The following CERS1 variants were observed in gnomAD, a reference collection of about 807,000 sequenced individuals.
CERS1 encodes Embryonic growth/differentiation factor 1.
In CERS1, 16 loss-of-function variants were observed where a neutral mutation model predicts 35.7. That is an observed-to-expected ratio of 0.45 (90% CI 0.30 to 0.68). The LOEUF is 0.68. Among genes scored for constraint, CERS1 ranks in the 30% least tolerant of loss-of-function variants. CERS1 has a pLI of 0.08. For synonymous variants in CERS1, 243 were observed against 201.6 expected (o/e 1.21, Z -1.74); for missense variants, 454 against 453.9 (o/e 1.00, Z 0.00).
chr19:18,875,331 A>C (rs535687702), intron 6 of CERS1, among the ~76,000 whole-genome samples: 7 of 152,188 alleles, frequency 4.6e-5, no homozygotes, highest in Admixed American at 1.3e-4. Context: ...GGAACACTTG[A>C]GGTCAGGAGT....
chr19:18,884,107 G>A lies in CERS1; in HGVS notation c.570C>T (p.Ile190=), dbSNP rs778764321. 1.6e-5 allele frequency: 26 copies of A among 1,613,358 alleles called. No homozygotes were observed. Among genetic ancestry groups the A allele is most frequent in the South Asian group, 8.8e-5 (8 of 90,964 alleles). ...LLHHVVTLIL[I]VSSYAFRYHN... ...CTTACCGGAAGGCGTAGGAGGAGAC[G>A]ATGAGGATGAGAGTGACCACGTGGT... Residue 190 remains isoleucine (I), a synonymous_variant, in exon 3 of 8, where the codon ATC becomes ATT. Coordinates refer to ENST00000623882, the MANE Select transcript of CERS1 (RefSeq NM_021267.5).
rs575712132 is a variant in CERS1 at position 18,884,158 on chromosome 19, G to C, written c.519C>G (p.Arg173=). The change falls in exon 3 of 8, where the codon CGC becomes CGG. Residue 173 remains arginine (R), a synonymous_variant. Transcript: ENST00000623882. Reference sequence around the variant, plus strand: ...GGAGCAGCATGACCACCGAGTCCTTGCGCCAGGTGTCCATGTATAGCGTAG... The same window carrying C: ...GGAGCAGCATGACCACCGAGTCCTTCCGCCAGGTGTCCATGTATAGCGTAG... The part of the protein sequence containing the change: ...IYATLYMDTW[R]KDSVVMLLHH... 1 of 1,613,790 alleles carries C rather than the reference G, an allele frequency of 6.2e-7. No homozygotes were observed. The highest frequency in any genetic ancestry group is 1.3e-5 in the African/African-American group (1 of 75,040).
Position 18,869,182 on chromosome 19 carries a change from G to A in CERS1, c.*803C>T, listed in dbSNP as rs1388551951. The A allele has an allele frequency of 1.5e-5, 17 of 1,166,718 alleles. No individual in the cohort carries two copies. Among genetic ancestry groups the A allele is most frequent in the South Asian group, 6.6e-5 (2 of 30,300 alleles). The allele number at this position is 1,166,718 out of a possible 1,614,324, so 72.3% of individuals were successfully genotyped here. ...CCAACTGGCGGAGCAGCACCGGCCC[G>A]GGGTCCGCGCCCGCGCCCTGGCCCG... On this transcript the variant is annotated 3_prime_UTR_variant, in exon 8 of 8. Transcript: ENST00000623882.
intron 2 of CERS1, among the ~76,000 whole-genome samples, chr19:18,890,081 C>G (rs1411209753): frequency 6.6e-6 from 1 of 152,172 alleles, no homozygotes; most frequent in Admixed American, 6.5e-5. Context: ...GCTCCCAGCC[C>G]ACAGATAAGT....
Position 18,870,348 on chromosome 19 carries a change from G to C in CERS1, c.*229C>G. ...TGACCAGAGAGTGCGCAGGGTCCGC[G>C]GCGGCCCGGGACCAGTGGGCTGAGG... On this transcript the variant is annotated 3_prime_UTR_variant, in exon 7 of 8. Transcript: ENST00000623882. The surrounding 1 kb of genome is among the most constrained non-coding windows in gnomAD (Gnocchi z 5.1). 1.9e-6 allele frequency: 3 copies of C among 1,541,892 alleles called. No individual in the cohort carries two copies. The highest frequency in any genetic ancestry group is 2.6e-6 in the Non-Finnish European group (3 of 1,145,604).
At chr19:18,877,178 T>C (rs1253313467) in intron 6 of CERS1, among the ~76,000 whole-genome samples, 2 of 152,226 alleles carry the variant, frequency 1.3e-5, no homozygotes, top group Non-Finnish European at 2.9e-5. Flanking sequence ...GGCACTTCTG[T>C]ACAGGGTGCA....
In CERS1 at chr19:18,895,818, A is replaced by G; in HGVS notation, c.249+6T>C. 2.4e-6 allele frequency: 3 copies of G among 1,246,858 alleles called. No homozygotes were observed. Among genetic ancestry groups the G allele is most frequent in the Admixed American group, 8.8e-5 (2 of 22,708 alleles). 77.2% of individuals were successfully genotyped at this position (1,246,858 alleles called of 1,614,324 possible). A position where few individuals can be genotyped will look rare whatever the true frequency, so the allele number is the denominator to read the frequency against. On this transcript the variant is annotated splice_donor_region_variant and intron_variant, in intron 1 of 7. Coordinates refer to ENST00000623882, the MANE Select transcript of CERS1 (RefSeq NM_021267.5). The surrounding 1 kb of genome is among the most constrained non-coding windows in gnomAD (Gnocchi z 6.4). ...TCCCCTCGTCCCGGCCCCCGGCCAC[A>G]CTGACCCGAAAGAGGCGCGCAGTGG...
intron 6 of CERS1, among the ~76,000 whole-genome samples, chr19:18,875,200 C>A (rs112931905): frequency 1.3e-5 from 2 of 149,924 alleles, no homozygotes; most frequent in Non-Finnish European, 3.0e-5. Context: ...TGAGCCAGTG[C>A]GCTCCAGCGT....
At position 18,874,958 on chromosome 19, in the gene CERS1, G is replaced by A. The variant is rs573528795; in HGVS notation, c.1010+3972C>T. 1.4e-4 allele frequency among the ~76,000 whole-genome samples: 22 copies of A among 152,346 alleles called. No individual in the cohort carries two copies. The South Asian group carries it at 4.1e-3, about 29-fold the overall frequency. On this transcript the variant is annotated intron_variant, in intron 6 of 7. Transcript: ENST00000623882. The stretch of plus-strand genomic sequence containing the variant: ...AATCCTGATTGAATTTTCGGAACCA[G>A]GCAAAGTGGCTCATGCCTGTAATGC...
At chr19:18,884,479 C>T (rs2056300819) in intron 2 of CERS1, among the ~76,000 whole-genome samples, 1 of 151,264 alleles carries the variant, frequency 6.6e-6, no homozygotes. Flanking sequence ...AGTGCAGTGG[C>T]ATGATCTCAG....
chr19:18,885,119 T>G (rs547564125), intron 2 of CERS1, among the ~76,000 whole-genome samples: 1 of 152,196 alleles, frequency 6.6e-6, no homozygotes, highest in Non-Finnish European at 1.5e-5. Flanking sequence ...CCCACAGATT[T>G]CCATTTCCCT....
At position 18,869,287 on chromosome 19, in the gene CERS1, G is replaced by C. The variant is rs1212578292; in HGVS notation, c.*698C>G. 6.6e-7 allele frequency: 1 copy of C among 1,507,708 alleles called. No homozygotes were observed. The highest frequency in any genetic ancestry group is 2.1e-5 in the Admixed American group (1 of 48,596). The allele number at this position is 1,507,708 out of a possible 1,614,324, so 93.4% of individuals were successfully genotyped here. On this transcript the variant is annotated 3_prime_UTR_variant, in exon 8 of 8. Transcript: ENST00000623882. ...CGAAACGCAGCTCCAGGCGGGCCCG[G>C]CTCGGGCGCTCAGCGGGTTCCACAG...
intron 2 of CERS1, among the ~76,000 whole-genome samples, chr19:18,886,544 G>GA (rs1346123821): frequency 1.2e-4 from 19 of 152,088 alleles, no homozygotes; most frequent in Non-Finnish European, 2.5e-4. Flanking sequence ...GACACAGCCA[G>GA]ACCCTGTCTC....
intron 6 of CERS1, among the ~76,000 whole-genome samples, chr19:18,873,734 G>A (rs1197533784): frequency 6.6e-6 from 1 of 151,866 alleles, no homozygotes; most frequent in African/African-American, 2.4e-5. Flanking sequence ...CCAGCTACTC[G>A]GGAGGCTGAG....
chr19:18,881,592 C>G (rs1312513938), intron 3 of CERS1: 1 of 152,178 alleles, frequency 6.6e-6, no homozygotes, highest in Admixed American at 6.6e-5. Context: ...AGATGAGCTG[C>G]CCGAGGGTCC....
At chr19:18,871,133 G>A (rs1313586488) in intron 6 of CERS1, among the ~76,000 whole-genome samples, 1 of 151,030 alleles carries the variant, frequency 6.6e-6, no homozygotes, top group Non-Finnish European at 1.5e-5. Context: ...CCAGGCTAGA[G>A]CTGTGGCACA....
chr19:18,869,989 C>G lies in CERS1; in HGVS notation c.*588G>C. ...CAGCGAAAGCCCCACTCACCGCGGT[C>G]CGGGATGTGGCGCACGATGTTTCCG... On this transcript the variant is annotated 3_prime_UTR_variant, in exon 7 of 8. Coordinates refer to ENST00000623882, the MANE Select transcript of CERS1 (RefSeq NM_021267.5). 1.3e-6 allele frequency: 2 copies of G among 1,590,922 alleles called. No homozygotes were observed. The highest frequency in any genetic ancestry group is 1.7e-6 in the Non-Finnish European group (2 of 1,170,314).
chr19:18,882,589 G>A (rs537763552), intron 3 of CERS1, among the ~76,000 whole-genome samples: 5 of 151,850 alleles, frequency 3.3e-5, no homozygotes, highest in East Asian at 2.0e-4. Flanking sequence ...GTAAGCCAAT[G>A]TCATGGCACT....
Position 18,868,634 on chromosome 19 carries a change from T to C in CERS1, c.*1351A>G. On this transcript the variant is annotated 3_prime_UTR_variant, in exon 8 of 8. Transcript: ENST00000623882. ...GCACTCGTCCACCACCATGTCCTCA[T>C]ACTGCCGCAGCACCACGTTGTCGCT... 1 of 1,573,740 alleles carries C rather than the reference T, an allele frequency of 6.4e-7. No homozygotes were observed. The highest frequency in any genetic ancestry group is 8.6e-7 in the Non-Finnish European group (1 of 1,159,770).
Sources: gnomAD v4.1 joint callset for allele counts (sites outside exome capture counted in the v4.1 genomes callset) on GRCh38, gnomAD v4.1.1 for gene constraint, Gnocchi (gnomAD v3.1) non-coding constraint, MANE v1.5 for transcripts, NCBI Gene and HGNC (gene_info 2026-07-23, HGNC 2026-07-21) for gene names.